The following DISC1 variants were observed in gnomAD, a reference collection of about 807,000 sequenced individuals.
DISC1 encodes DISC1 scaffold protein.
Under a neutral mutation model 84.5 loss-of-function variants are expected in DISC1, and 57 were observed. That is an observed-to-expected ratio of 0.67 (90% CI 0.55 to 0.84). The LOEUF (loss-of-function observed/expected upper bound fraction) is 0.84. Ranked by LOEUF, DISC1 falls within the 40% of genes least tolerant of loss-of-function variation. DISC1 has a pLI of 0.00. For synonymous variants in DISC1, 411 were observed against 415.2 expected (o/e 0.99, Z 0.12); for missense variants, 1,000 against 1,057.8 (o/e 0.95, Z 0.76).
At chr1:231,642,174 C>A in intron 1 of DISC1, among the ~76,000 whole-genome samples, 1 of 152,250 alleles carries the variant, frequency 6.6e-6, no homozygotes, top group Middle Eastern at 3.4e-3. Flanking sequence ...CTGCCCGGGG[C>A]CGGCGGGGCC....
chr1:231,637,847 G>A lies in DISC1; in HGVS notation c.67+10913G>A, dbSNP rs150581943. Among the ~76,000 whole-genome samples, 135 of 152,126 alleles carry A rather than the reference G, an allele frequency of 8.9e-4. 1 individual carries two copies. The highest frequency in any genetic ancestry group is 1.7e-3 in the Non-Finnish European group (117 of 67,998). On this transcript the variant is annotated intron_variant, in intron 1 of 12. Transcript: ENST00000439617. Reference sequence around the variant, plus strand: ...TGATACATTGATTTATTTTCCTTTGGGTAGATACACAATAGTAGGATTGCT... The same window carrying A: ...TGATACATTGATTTATTTTCCTTTGAGTAGATACACAATAGTAGGATTGCT...
chr1:231,693,245 A>G (rs1287054243), intron 1 of DISC1, among the ~76,000 whole-genome samples: 1 of 152,246 alleles, frequency 6.6e-6, no homozygotes, highest in Non-Finnish European at 1.5e-5. Context: ...GAACACATCA[A>G]GCAGGCCTCC....
rs1667864888 is a variant in DISC1, at chr1:232,009,808, G to A, written c.2307+759G>A. ...CCTGAGTCTTCAGAGCTCTTTGTTG[G>A]CCCAGGTTCACAGGTGTTGTGAGTG... is the stretch of plus-strand genomic sequence containing the variant. On this transcript the variant is annotated intron_variant, in intron 11 of 12. Transcript: ENST00000439617. This position sits in a 1 kb window ranked among gnomAD's most constrained non-coding sequence, Gnocchi z 4.6. Among the ~76,000 whole-genome samples the A allele has an allele frequency of 6.6e-6, 1 of 152,086 alleles. No homozygotes were observed. The highest frequency in any genetic ancestry group is 1.5e-5 in the Non-Finnish European group (1 of 68,008).
intron 3 of DISC1, among the ~76,000 whole-genome samples, chr1:231,742,576 C>A (rs1369613980): frequency 1.3e-5 from 2 of 151,870 alleles, no homozygotes; most frequent in African/African-American, 4.8e-5. Context: ...AGTTTGTGAT[C>A]AGCCTGGACA....
chr1:231,888,782 C>T (rs2086980153), intron 9 of DISC1, among the ~76,000 whole-genome samples: 2 of 151,884 alleles, frequency 1.3e-5, no homozygotes, highest in South Asian at 4.2e-4. Context: ...CCCAGTGCCC[C>T]CATCCACAGG....
chr1:231,640,033 T>C (rs2059503813), intron 1 of DISC1, among the ~76,000 whole-genome samples: 1 of 152,244 alleles, frequency 6.6e-6, no homozygotes, highest in Non-Finnish European at 1.5e-5. Flanking sequence ...GCTTCACATC[T>C]GTGCACATGA....
chr1:232,032,820 T>G (rs953631837), intron 12 of DISC1, among the ~76,000 whole-genome samples: 1 of 152,232 alleles, frequency 6.6e-6, no homozygotes, highest in Non-Finnish European at 1.5e-5. Flanking sequence ...AAATTCCAAT[T>G]GTTTTTCAGC....
intron 1 of DISC1, among the ~76,000 whole-genome samples, chr1:231,666,309 GAA>G (rs751745733): frequency 0.02 from 1,752 of 87,216 alleles, 40 homozygotes; most frequent in African/African-American, 0.06. Context: ...TTTGTCTCAG[GAA>G]AAAAAAAAAA....
At chr1:231,752,694 C>T (rs2074743784) in intron 4 of DISC1, among the ~76,000 whole-genome samples, 1 of 152,154 alleles carries the variant, frequency 6.6e-6, no homozygotes, top group Non-Finnish European at 1.5e-5. Context: ...AACTCATTTC[C>T]AGCATTAACT....
intron 1 of DISC1, among the ~76,000 whole-genome samples, chr1:231,647,679 T>A (rs2060250446): frequency 6.6e-6 from 1 of 152,248 alleles, no homozygotes; most frequent in African/African-American, 2.4e-5. Context: ...TATTGATTCT[T>A]CCTATCCATG....
chr1:231,836,010 T>C (rs1299414020), intron 9 of DISC1, among the ~76,000 whole-genome samples: 2 of 152,236 alleles, frequency 1.3e-5, no homozygotes, highest in African/African-American at 4.8e-5. Context: ...ACTGCCGCAA[T>C]TGAGACCTTA....
At chr1:231,917,933 A>G (rs140288810) in intron 9 of DISC1, among the ~76,000 whole-genome samples, 14 of 152,168 alleles carry the variant, frequency 9.2e-5, no homozygotes, top group South Asian at 8.3e-4. Context: ...CAACTTGACT[A>G]TCTTCATTTT....
In DISC1 at chr1:232,040,017, C is replaced by T. The variant is rs1470517711; in HGVS notation, c.*3186C>T. On this transcript the variant is annotated 3_prime_UTR_variant, in exon 13 of 13. Transcript: ENST00000439617. Reference sequence around the variant, plus strand: ...TTCATTTTTTTTTTTGAGATGGAGTCTCTCTCTGTCACCCAAGTTGGAGTG... The same window carrying T: ...TTCATTTTTTTTTTTGAGATGGAGTTTCTCTCTGTCACCCAAGTTGGAGTG... 1 of 151,068 alleles carries T rather than the reference C, an allele frequency of 6.6e-6. No homozygotes were observed. The highest frequency in any genetic ancestry group is 1.5e-5 in the Non-Finnish European group (1 of 67,938). 9.4% of individuals were successfully genotyped at this position (151,068 alleles called of 1,614,324 possible).
intron 7 of DISC1, among the ~76,000 whole-genome samples, chr1:231,795,997 T>G (rs1014533111): frequency 2.0e-4 from 31 of 152,162 alleles, no homozygotes; most frequent in African/African-American, 7.0e-4. Context: ...TTGGTGACTG[T>G]TTTTTTGTTC....
At chr1:231,829,750 A>C (rs2082099816) in intron 9 of DISC1, among the ~76,000 whole-genome samples, 1 of 152,240 alleles carries the variant, frequency 6.6e-6, no homozygotes, top group East Asian at 1.9e-4. Flanking sequence ...GGGTGCAGGC[A>C]GGCTGAGTCT....
At chr1:231,967,241 G>A (rs1421361853) in intron 10 of DISC1, among the ~76,000 whole-genome samples, 1 of 152,226 alleles carries the variant, frequency 6.6e-6, no homozygotes, top group African/African-American at 2.4e-5. Flanking sequence ...CAGAGCCTGT[G>A]TGTCATGGCC....
rs369364870 is a variant in DISC1 at position 231,691,099 on chromosome 1, T to A, written c.68-2727T>A. 1.7e-4 allele frequency among the ~76,000 whole-genome samples: 26 copies of A among 152,106 alleles called. 1 individual carries two copies. The East Asian group carries it at 3.5e-3, about 20-fold the overall frequency. ...TGCAACTGGAACCTGGCTTGCAGGATTTCAGGACCTTTGGTTGAGTGGTTT... is the reference window on the plus strand; with the variant it reads ...TGCAACTGGAACCTGGCTTGCAGGAATTCAGGACCTTTGGTTGAGTGGTTT... On this transcript the variant is annotated intron_variant, in intron 1 of 12. Transcript: ENST00000439617.
intron 9 of DISC1, among the ~76,000 whole-genome samples, chr1:231,841,729 T>C (rs924022139): frequency 1.3e-5 from 2 of 152,296 alleles, no homozygotes; most frequent in Admixed American, 6.5e-5. Context: ...CAGCTTTAAC[T>C]TAGTCTCCTT....
In DISC1 at chr1:232,004,907, TCCTTCCTTCCTTCTTC is replaced by T. The variant is rs1439613399; in HGVS notation, c.2043-3867_2043-3852del. On this transcript the variant is annotated intron_variant, in intron 10 of 12. Transcript: ENST00000439617. ...TCCCTTCCTTCCTTCCTTCCTTCTT[TCCTTCCTTCCTTCTTC>T]CCTTCCTTCCATCCTTCTTCCTTTC... 2.3e-5 allele frequency among the ~76,000 whole-genome samples: 3 copies of T among 131,506 alleles called. No homozygotes were observed. In the East Asian group the frequency reaches 7.7e-4, roughly 34 times the overall value. The allele number at this position is 131,506 out of a possible 152,430, so 86.3% of individuals were successfully genotyped here.
Sources: allele counts gnomAD v4.1 joint callset (sites outside exome capture counted in the v4.1 genomes callset), GRCh38; gene constraint gnomAD v4.1.1; non-coding constraint Gnocchi (gnomAD v3.1); transcripts MANE v1.5; gene names NCBI Gene and HGNC (gene_info 2026-07-23, HGNC 2026-07-21).